CORO2B: variants seen among roughly 807,000 people sequenced by gnomAD.
CORO2B encodes coronin-2B.
CORO2B carries 26 observed loss-of-function variants against 58.8 expected under a neutral mutation model. The ratio of observed to expected loss-of-function variants is 0.44; its 90% CI spans 0.32 to 0.61. CORO2B has a LOEUF of 0.61. Ranked by LOEUF, CORO2B falls within the 20% of genes least tolerant of loss-of-function variation. The probability of loss-of-function intolerance (pLI) is 0.04; values close to 1 mark genes in which losing one functional copy is unlikely to be tolerated. For missense variants in CORO2B, 460 were observed against 645.1 expected (o/e 0.71, Z 3.11); for synonymous variants, 242 against 253.8 (o/e 0.95, Z 0.44).
At chr15:68,560,166 AGACAG>A in the CORO2B span, among the ~76,000 whole-genome samples, 6 of 152,342 alleles carry the variant, frequency 3.9e-5, no homozygotes, top group South Asian at 1.2e-3. Flanking sequence ...TGAATGTGAA[AGACAG>A]GAGGTGCTGG....
the CORO2B span, among the ~76,000 whole-genome samples, chr15:68,550,132 G>A: frequency 7.6e-4 from 116 of 152,084 alleles, 1 homozygote; most frequent in Non-Finnish European, 6.8e-4. Flanking sequence ...TGGAGCGTGC[G>A]GGGTCTCAGG....
rs939691680 is a variant in CORO2B at position 68,713,972 on chromosome 15, G to A, written c.696G>A (p.Gly232=). 6.2e-7 allele frequency: 1 copy of A among 1,613,970 alleles called. No individual in the cohort carries two copies. Among genetic ancestry groups the A allele is most frequent in the East Asian group, 2.2e-5 (1 of 44,884 alleles). ...GAGTGAACCGGGTGGTGTTCCTGGG[G>A]AACATGAAGCGGCTCCTCACGACAG... is the stretch of plus-strand genomic sequence containing the variant. ...NHRVNRVVFL[G]NMKRLLTTGV... The change falls in exon 6 of 12, where the codon GGG becomes GGA. Residue 232 remains glycine (G), a synonymous_variant. Transcript: ENST00000261861.
intron 1 of CORO2B, among the ~76,000 whole-genome samples, chr15:68,625,301 A>G (rs1186413134): frequency 2.0e-5 from 3 of 148,776 alleles, no homozygotes; most frequent in Admixed American, 1.3e-4. Context: ...TCTTCGAGGT[A>G]TAATTTACAT....
At chr15:68,717,004 AGTT>A (rs1893047101) in intron 8 of CORO2B, among the ~76,000 whole-genome samples, 1 of 152,214 alleles carries the variant, frequency 6.6e-6, no homozygotes, top group Admixed American at 6.5e-5. Flanking sequence ...CCGAAATGTT[AGTT>A]AAGATTGCTC....
chr15:68,650,355 CTA>C lies in CORO2B; in HGVS notation c.216+4996_216+4997del, dbSNP rs1566995913. Among the ~76,000 whole-genome samples the C allele has an allele frequency of 1.9e-3, 162 of 85,090 alleles. 23 individuals are homozygous for C. Among genetic ancestry groups the C allele is most frequent in the Middle Eastern group, 0.011 (2 of 176 alleles). The allele number at this position is 85,090 out of a possible 152,430, so 55.8% of individuals were successfully genotyped here. Reference sequence around the variant, plus strand: ...CTGGGCAACAAGAGCGAAACTCTGTCTAAAAAAAAAAAAAAAAAAAAAAAAAA... The same window carrying C: ...CTGGGCAACAAGAGCGAAACTCTGTCAAAAAAAAAAAAAAAAAAAAAAAAA... On this transcript the variant is annotated intron_variant, in intron 2 of 11. Transcript: ENST00000261861.
intron 1 of CORO2B, among the ~76,000 whole-genome samples, chr15:68,624,911 G>T (rs1452068185): frequency 6.6e-6 from 1 of 152,098 alleles, no homozygotes; most frequent in East Asian, 1.9e-4. Flanking sequence ...TCGAACTCCT[G>T]ACCTCATGAT....
the CORO2B span, among the ~76,000 whole-genome samples, chr15:68,553,742 A>G: frequency 6.6e-6 from 1 of 152,246 alleles, no homozygotes; most frequent in Admixed American, 6.5e-5. Context: ...CATAAGCAGG[A>G]CTGCCCCTGG....
chr15:68,639,642 C>T (rs1901143495), intron 1 of CORO2B, among the ~76,000 whole-genome samples: 1 of 152,190 alleles, frequency 6.6e-6, no homozygotes. Context: ...TTCACTGTTC[C>T]ACATCGTCCT....
chr15:68,623,857 G>A (rs1307356897), intron 1 of CORO2B, among the ~76,000 whole-genome samples: 1 of 152,150 alleles, frequency 6.6e-6, no homozygotes, highest in Non-Finnish European at 1.5e-5. Context: ...TCGACACCAC[G>A]GATTACAGCA....
the CORO2B span, among the ~76,000 whole-genome samples, chr15:68,548,724 A>T: frequency 2.0e-5 from 3 of 152,226 alleles, no homozygotes; most frequent in African/African-American, 4.8e-5. Flanking sequence ...CTTTCCTGAT[A>T]CTCAATACTT....
chr15:68,715,418 T>A, intron 8 of CORO2B, 107 bp downstream of exon 8: 1 of 778,838 alleles, frequency 1.3e-6, no homozygotes, highest in Non-Finnish European at 2.1e-6. Flanking sequence ...CAGAAGGCCA[T>A]AGCACATGGG....
intron 2 of CORO2B, among the ~76,000 whole-genome samples, chr15:68,658,612 G>A (rs536813919): frequency 2.0e-5 from 3 of 152,214 alleles, no homozygotes; most frequent in Non-Finnish European, 2.9e-5. Flanking sequence ...AGGTCCACCC[G>A]AGCTGCTTAA....
chr15:68,611,082 C>A (rs1441082014), intron 1 of CORO2B, among the ~76,000 whole-genome samples: 2 of 152,068 alleles, frequency 1.3e-5, no homozygotes, highest in East Asian at 1.9e-4. Context: ...TGAGAAAATG[C>A]GCCCCACCAC....
intron 5 of CORO2B, among the ~76,000 whole-genome samples, chr15:68,712,313 T>C (rs1448277611): frequency 6.6e-6 from 1 of 152,230 alleles, no homozygotes; most frequent in African/African-American, 2.4e-5. Context: ...ATGCTTGATC[T>C]GGGTGTGTTT....
chr15:68,571,654 T>C, the CORO2B span, among the ~76,000 whole-genome samples: 1 of 152,224 alleles, frequency 6.6e-6, no homozygotes, highest in Non-Finnish European at 1.5e-5. Flanking sequence ...AAATTGTTTA[T>C]ATAGACACAG....
the CORO2B span, among the ~76,000 whole-genome samples, chr15:68,521,392 C>T: frequency 6.6e-6 from 1 of 152,088 alleles, no homozygotes; most frequent in African/African-American, 2.4e-5. Flanking sequence ...AACTCATTCC[C>T]CTACTTTTTG....
At chr15:68,701,203 A>G (rs1025736523) in intron 3 of CORO2B, among the ~76,000 whole-genome samples, 1 of 152,136 alleles carries the variant, frequency 6.6e-6, no homozygotes, top group Non-Finnish European at 1.5e-5. Context: ...AAGCAGCAGT[A>G]TGGCTCCCTG....
At chr15:68,601,510 G>C (rs575929679) in intron 1 of CORO2B, among the ~76,000 whole-genome samples, 2 of 152,226 alleles carry the variant, frequency 1.3e-5, no homozygotes, top group Non-Finnish European at 2.9e-5. Flanking sequence ...TGAGCGTGCA[G>C]TGCGAGGAGG....
chr15:68,558,572 T>TA, the CORO2B span, among the ~76,000 whole-genome samples: 1 of 152,114 alleles, frequency 6.6e-6, no homozygotes. Context: ...AATGAGATCT[T>TA]ACGTTGTTGC....
Sources: gnomAD v4.1 joint callset for allele counts (sites outside exome capture counted in the v4.1 genomes callset) on GRCh38, gnomAD v4.1.1 for gene constraint, MANE v1.5 for transcripts, NCBI Gene and HGNC (gene_info 2026-07-23, HGNC 2026-07-21) for gene names.